MYOM1: variants seen among roughly 807,000 people sequenced by gnomAD.
MYOM1 encodes myomesin 1, also known as myomesin-1.
Under a neutral mutation model 205.3 loss-of-function variants are expected in MYOM1, and 164 were observed. The ratio of observed to expected loss-of-function variants is 0.80; its 90% CI spans 0.70 to 0.91. The LOEUF is 0.91. MYOM1 is among the 40% of genes least tolerant of loss of function. The probability of loss-of-function intolerance (pLI) is 0.00; values close to 1 mark genes in which losing one functional copy is unlikely to be tolerated. For missense variants in MYOM1, 2,011 were observed against 2,127.3 expected (o/e 0.95, Z 1.08); for synonymous variants, 772 against 789.4 (o/e 0.98, Z 0.37).
intron 10 of MYOM1, among the ~76,000 whole-genome samples, chr18:3,160,562 T>C (rs749830931): frequency 3.3e-5 from 5 of 152,212 alleles, no homozygotes; most frequent in Non-Finnish European, 7.3e-5. Context: ...AATTGTATAC[T>C]TAACATGAGT....
chr18:3,149,272 G>T, intron 12 of MYOM1, 71 bp from the exon 13 acceptor site: 1 of 1,322,678 alleles, frequency 7.6e-7, no homozygotes, highest in Non-Finnish European at 1.1e-6. Flanking sequence ...CTGATGAATT[G>T]GGAAAGTGGC....
chr18:3,184,651 T>C (rs1422878309), intron 5 of MYOM1, among the ~76,000 whole-genome samples: 1 of 152,154 alleles, frequency 6.6e-6, no homozygotes, highest in African/African-American at 2.4e-5. Context: ...TGAAGCCTTG[T>C]TGTTCGTTTG....
chr18:3,143,155 T>A (rs572321755), intron 13 of MYOM1, among the ~76,000 whole-genome samples: 29 of 152,276 alleles, frequency 1.9e-4, no homozygotes, highest in Middle Eastern at 3.4e-3. Context: ...GAAGACACAT[T>A]ATATATTGAG....
At chr18:3,197,971 T>C (rs985310397) in intron 2 of MYOM1, among the ~76,000 whole-genome samples, 1 of 152,218 alleles carries the variant, frequency 6.6e-6, no homozygotes, top group Non-Finnish European at 1.5e-5. Flanking sequence ...CATAAAACCA[T>C]GTCATACTGC....
chr18:3,071,764 A>T, intron 37 of MYOM1, 70 bp downstream of exon 37: 1 of 1,480,780 alleles, frequency 6.8e-7, no homozygotes, highest in Non-Finnish European at 9.2e-7. Context: ...TAAAAGAAGG[A>T]ACAAAATCTG....
chr18:3,166,526 T>C (rs1334237130), intron 9 of MYOM1, among the ~76,000 whole-genome samples: 3 of 152,056 alleles, frequency 2.0e-5, no homozygotes, highest in African/African-American at 7.2e-5. Flanking sequence ...CCTCAAGTGA[T>C]CTGCCCACCT....
intron 16 of MYOM1, among the ~76,000 whole-genome samples, chr18:3,132,182 C>T (rs1432344182): frequency 2.0e-5 from 3 of 150,250 alleles, no homozygotes; most frequent in Non-Finnish European, 4.4e-5. Context: ...GACGGAGTCT[C>T]GCTCTGTTGC....
chr18:3,188,198 A>G (rs1400806086), intron 4 of MYOM1, among the ~76,000 whole-genome samples: 1 of 152,082 alleles, frequency 6.6e-6, no homozygotes, highest in African/African-American at 2.4e-5. Context: ...TAATTTTCTT[A>G]AAACCTAAAA....
intron 14 of MYOM1, among the ~76,000 whole-genome samples, chr18:3,137,643 G>T (rs141773518): frequency 6.6e-6 from 1 of 152,282 alleles, no homozygotes; most frequent in East Asian, 1.9e-4. Flanking sequence ...AGAGTGGAAT[G>T]GTGGTTACCA....
chr18:3,067,496 C>T lies in MYOM1; in HGVS notation c.4824G>A (p.Lys1608=), dbSNP rs769947882. The T allele has an allele frequency of 1.2e-6, 2 of 1,613,890 alleles. No homozygotes were observed. Among genetic ancestry groups the T allele is most frequent in the South Asian group, 2.2e-5 (2 of 91,078 alleles). ...GDPPPEVSWL[K]NEKALASDDH... ...CGTCTGAGGCCAGGGCCTTCTCGTT[C>T]TTCAACCACGACACCTCCGGAGGCG... is the stretch of plus-strand genomic sequence containing the variant. Residue 1608 remains lysine, a synonymous_variant, in exon 38 of 38, where the codon AAG becomes AAA. Coordinates refer to ENST00000356443, the MANE Select transcript of MYOM1 (RefSeq NM_003803.4).
chr18:3,137,203 C>A (rs1235830034), intron 14 of MYOM1, among the ~76,000 whole-genome samples: 1 of 152,174 alleles, frequency 6.6e-6, no homozygotes, highest in African/African-American at 2.4e-5. Context: ...CCCACCTCAG[C>A]CTCCCAAAGT....
intron 9 of MYOM1, 81 bp downstream of exon 9, chr18:3,168,736 C>T: frequency 6.8e-7 from 1 of 1,463,532 alleles, no homozygotes; most frequent in South Asian, 1.3e-5. Context: ...CCAGATTCCA[C>T]CAGCTCCGAT....
chr18:3,181,178 C>T (rs1025596754), intron 5 of MYOM1, among the ~76,000 whole-genome samples: 5 of 152,138 alleles, frequency 3.3e-5, no homozygotes, highest in Non-Finnish European at 7.3e-5. Context: ...CTGCCTGCTT[C>T]GGCCCCCAAA....
chr18:3,106,024 AG>A (rs1328385145), intron 22 of MYOM1, among the ~76,000 whole-genome samples: 1 of 152,260 alleles, frequency 6.6e-6, no homozygotes, highest in Non-Finnish European at 1.5e-5. Flanking sequence ...AAACAATAAA[AG>A]TAACAACACA....
Position 3,129,428 on chromosome 18 carries a change from C to A in MYOM1, c.2598G>T (p.Pro866=). Residue 866 remains proline, a synonymous_variant, in exon 18 of 38, where the codon CCG becomes CCT. Transcript: ENST00000356443. ...GCAAAGCATCTTTCTGGAAGGTTGG[C>A]GGGGAGGCTTCATGCACGCGCCCCC... ...ASRGRVHEAS[P]PTFQKDALLG... is the part of the protein sequence containing the mutation. 1 of 1,613,914 alleles carries A rather than the reference C, an allele frequency of 6.2e-7. No individual in the cohort carries two copies. The highest frequency in any genetic ancestry group is 8.5e-7 in the Non-Finnish European group (1 of 1,179,874).
intron 9 of MYOM1, among the ~76,000 whole-genome samples, chr18:3,167,683 C>A (rs2080493221): frequency 6.6e-6 from 1 of 152,196 alleles, no homozygotes; most frequent in Non-Finnish European, 1.5e-5. Flanking sequence ...CTGTGCCCGG[C>A]CTATTGTTAT....
At chr18:3,161,071 C>T (rs1273766398) in intron 10 of MYOM1, among the ~76,000 whole-genome samples, 1 of 152,228 alleles carries the variant, frequency 6.6e-6, no homozygotes, top group East Asian at 1.9e-4. Flanking sequence ...CTTAGTTCAT[C>T]CTCATCTAGC....
chr18:3,156,458 C>CT (rs2080303426), intron 10 of MYOM1, among the ~76,000 whole-genome samples: 1 of 152,220 alleles, frequency 6.6e-6, no homozygotes, highest in Non-Finnish European at 1.5e-5. Flanking sequence ...GTTTCTTGTT[C>CT]TGTGAACCAG....
chr18:3,150,349 A>C (rs935076124), intron 12 of MYOM1, among the ~76,000 whole-genome samples: 3 of 152,216 alleles, frequency 2.0e-5, no homozygotes, highest in African/African-American at 7.2e-5. Context: ...GGTGTGAGCC[A>C]CCATGCCCAG....
Sources: gnomAD v4.1 joint callset for allele counts (sites outside exome capture counted in the v4.1 genomes callset) on GRCh38, gnomAD v4.1.1 for gene constraint, MANE v1.5 for transcripts, NCBI Gene and HGNC (gene_info 2026-07-23, HGNC 2026-07-21) for gene names.